The following MMP26 variants were observed in gnomAD, a reference collection of about 807,000 sequenced individuals.
MMP26 encodes the protein matrix metallopeptidase 26, also known as matrix metalloproteinase-26.
MMP26 carries 33 observed loss-of-function variants against 31.0 expected under a neutral mutation model. The ratio of observed to expected loss-of-function variants is 1.06; its 90% CI spans 0.81 to 1.42. The LOEUF is 1.42. MMP26 is among the 40% of genes most tolerant of loss of function. The probability of loss-of-function intolerance (pLI) is 0.00; values close to 1 mark genes in which losing one functional copy is unlikely to be tolerated. For missense variants in MMP26, 347 were observed against 316.1 expected, an observed-to-expected ratio of 1.10 and a Z score of -0.74; for synonymous variants, 122 against 114.9, an observed-to-expected ratio of 1.06 and a Z score of -0.40.
intron 2 of MMP26, among the ~76,000 whole-genome samples, chr11:4,885,614 G>T (rs916359254): frequency 6.6e-6 from 1 of 151,952 alleles, no homozygotes; most frequent in African/African-American, 2.4e-5. Context: ...TGATAGTCAC[G>T]CAATGATGCA....
chr11:4,835,945 T>C (rs1009650667), intron 2 of MMP26, among the ~76,000 whole-genome samples: 15 of 152,150 alleles, frequency 9.9e-5, no homozygotes, highest in Admixed American at 2.6e-4. Flanking sequence ...TAAGAACTGC[T>C]TTATTTATAA....
intron 2 of MMP26, among the ~76,000 whole-genome samples, chr11:4,974,687 A>G (rs1846712519): frequency 6.6e-6 from 1 of 152,052 alleles, no homozygotes; most frequent in Non-Finnish European, 1.5e-5. Context: ...CCTTTGCATC[A>G]TCTTCTTAAC....
In MMP26 at chr11:4,835,203, G is replaced by GACACACACACACACACACAC. The variant is rs3064937; in HGVS notation, c.-145+67874_-145+67893dup. ...TCTCTCTCTCTTCCTCTCTCTTTCT[G>GACACACACACACACACACAC]ACACACACACACACACACACACACA... On this transcript the variant is annotated intron_variant, in intron 2 of 7. Coordinates refer to ENST00000380390, the MANE Select transcript of MMP26 (RefSeq NM_021801.5). Among the ~76,000 whole-genome samples the GACACACACACACACACACAC allele has an allele frequency of 3.0e-3, 435 of 143,220 alleles. 9 individuals are homozygous for GACACACACACACACACACAC. Among genetic ancestry groups the GACACACACACACACACACAC allele is most frequent in the African/African-American group, 0.011 (406 of 37,748 alleles). The allele number at this position is 143,220 out of a possible 152,430, so 94.0% of individuals were successfully genotyped here. A position where few individuals can be genotyped will look rare whatever the true frequency, so the allele number is the denominator to read the frequency against.
In MMP26 at chr11:4,992,357, C is replaced by A; in HGVS notation, c.*115C>A. 1 of 977,598 alleles carries A rather than the reference C, an allele frequency of 1.0e-6. No homozygotes were observed. Among genetic ancestry groups the A allele is most frequent in the Non-Finnish European group, 1.5e-6 (1 of 656,160 alleles). The allele number at this position is 977,598 out of a possible 1,614,324, so 60.6% of individuals were successfully genotyped here. On this transcript the variant is annotated 3_prime_UTR_variant, in exon 8 of 8. Coordinates refer to ENST00000380390, the MANE Select transcript of MMP26 (RefSeq NM_021801.5). ...TGCTAGGATGAAGCCCTAAAGAATG[C>A]AACCTAGTCAGGTTAGCTGAACCGA... is the stretch of plus-strand genomic sequence containing the variant.
intron 2 of MMP26, among the ~76,000 whole-genome samples, chr11:4,811,738 T>C (rs1160913622): frequency 6.6e-6 from 1 of 152,174 alleles, no homozygotes; most frequent in African/African-American, 2.4e-5. Context: ...GTTTCATTTC[T>C]GACTCTTCCA....
chr11:4,938,585 A>C (rs940339036), intron 2 of MMP26, among the ~76,000 whole-genome samples: 3 of 152,172 alleles, frequency 2.0e-5, no homozygotes, highest in African/African-American at 7.2e-5. Flanking sequence ...TGCGCACTTA[A>C]CAATTCAAGA....
At chr11:4,956,264 G>A (rs1217599346) in intron 2 of MMP26, among the ~76,000 whole-genome samples, 1 of 152,146 alleles carries the variant, frequency 6.6e-6, no homozygotes, top group Non-Finnish European at 1.5e-5. Flanking sequence ...GAATTTATCT[G>A]CCACAAAAGA....
At chr11:4,826,127 G>T (rs1383986284) in intron 2 of MMP26, among the ~76,000 whole-genome samples, 1 of 152,086 alleles carries the variant, frequency 6.6e-6, no homozygotes, top group Non-Finnish European at 1.5e-5. Context: ...TATCAGTGAG[G>T]TTTTCCATAA....
intron 2 of MMP26, among the ~76,000 whole-genome samples, chr11:4,961,584 A>G (rs145021560): frequency 4.3e-4 from 66 of 152,344 alleles, no homozygotes; most frequent in African/African-American, 1.5e-3. Context: ...CTTCATTTCC[A>G]AATAAAGACA....
chr11:4,749,863 T>G (rs534513241), intron 1 of MMP26, among the ~76,000 whole-genome samples: 6 of 152,182 alleles, frequency 3.9e-5, no homozygotes, highest in Non-Finnish European at 2.9e-5. Context: ...TATGGACATT[T>G]GCCTTGGCAA....
intron 2 of MMP26, chr11:4,923,399 G>T: frequency 6.4e-7 from 1 of 1,564,576 alleles, no homozygotes; most frequent in South Asian, 1.2e-5. Context: ...ACACCTAAGT[G>T]ACTTTATAAA....
chr11:4,854,506 G>A (rs1170927217), intron 2 of MMP26, among the ~76,000 whole-genome samples: 2 of 152,192 alleles, frequency 1.3e-5, no homozygotes, highest in Non-Finnish European at 2.9e-5. Flanking sequence ...GCAGCAGCAA[G>A]GCCAGGGGAG....
intron 2 of MMP26, chr11:4,787,160 C>T (rs986157665): frequency 6.5e-6 from 1 of 152,982 alleles, no homozygotes; most frequent in Admixed American, 6.5e-5. Flanking sequence ...AGATATGCTA[C>T]CATCCTGACA....
intron 1 of MMP26, among the ~76,000 whole-genome samples, chr11:4,758,680 T>C (rs568869534): frequency 2.4e-4 from 37 of 152,216 alleles, no homozygotes; most frequent in African/African-American, 8.7e-4. Context: ...TGTATTTGAT[T>C]TGGTAAAATT....
intron 1 of MMP26, among the ~76,000 whole-genome samples, chr11:4,751,596 T>C (rs1848447407): frequency 6.6e-6 from 1 of 152,128 alleles, no homozygotes; most frequent in African/African-American, 2.4e-5. Flanking sequence ...AAAAAGTGAA[T>C]GAAACTTTAA....
chr11:4,771,048 A>G (rs889789709), intron 2 of MMP26, among the ~76,000 whole-genome samples: 18 of 152,200 alleles, frequency 1.2e-4, no homozygotes, highest in African/African-American at 3.6e-4. Flanking sequence ...GGTACGGTTT[A>G]TTTTAAGAAA....
intron 2 of MMP26, chr11:4,923,677 G>C: frequency 6.2e-7 from 1 of 1,613,978 alleles, no homozygotes; most frequent in East Asian, 2.2e-5. Flanking sequence ...GAAGGATGAG[G>C]GCGTATGAGA....
chr11:4,842,479 C>T (rs767077009), intron 2 of MMP26, among the ~76,000 whole-genome samples: 6 of 152,138 alleles, frequency 3.9e-5, no homozygotes, highest in African/African-American at 1.2e-4. Flanking sequence ...GAAGCAATCA[C>T]GTCTTCACAT....
chr11:4,913,444 A>T (rs1425874183), intron 2 of MMP26: 1 of 152,154 alleles, frequency 6.6e-6, no homozygotes, highest in Non-Finnish European at 1.5e-5. Context: ...TAGGTGTTCG[A>T]AGCTCCCCTT....
Sources: allele counts gnomAD v4.1 joint callset (sites outside exome capture counted in the v4.1 genomes callset), GRCh38; gene constraint gnomAD v4.1.1; transcripts MANE v1.5; gene names NCBI Gene and HGNC (gene_info 2026-07-23, HGNC 2026-07-21).